The following ARNT variants were observed in gnomAD, a reference collection of about 807,000 sequenced individuals.
The protein encoded by ARNT is class E basic helix-loop-helix protein 2.
Under a neutral mutation model 105.0 loss-of-function variants are expected in ARNT, and 30 were observed. That is an observed-to-expected ratio of 0.29 (90% CI 0.21 to 0.39). ARNT has a LOEUF of 0.39. ARNT is among the 10% of genes least tolerant of loss of function. ARNT has a pLI of 1.00. For synonymous variants in ARNT, 304 were observed against 344.0 expected, an observed-to-expected ratio of 0.88 and a Z score of 1.29; for missense variants, 748 against 978.7, an observed-to-expected ratio of 0.76 and a Z score of 3.15.
intron 19 of ARNT, 32 bp downstream of exon 19, chr1:150,816,227 T>C (rs948183318): frequency 3.8e-6 from 6 of 1,566,410 alleles, no homozygotes; most frequent in Non-Finnish European, 5.2e-6. Context: ...CAAAAAATAA[T>C]ACACAGGGAA....
chr1:150,876,553 A>G lies in ARNT; in HGVS notation c.15T>C (p.Thr5=), dbSNP rs1271893166. The change falls in exon 1 of 22, where the codon ACT becomes ACC. Residue 5 remains threonine, a synonymous_variant. Transcript: ENST00000358595. MAAT[T]ANPEMTSDVP... Reference sequence around the variant, plus strand: ...CCTCCGTCTCCTCACCGGGGTTGGCAGTAGTCGCCGCCATGGCCGCAGATG... The same window carrying G: ...CCTCCGTCTCCTCACCGGGGTTGGCGGTAGTCGCCGCCATGGCCGCAGATG... The G allele has an allele frequency of 6.5e-7, 1 of 1,549,832 alleles. No homozygotes were observed. The highest frequency in any genetic ancestry group is 8.7e-7 in the Non-Finnish European group (1 of 1,147,502).
chr1:150,847,943 C>G (rs1328271648), intron 3 of ARNT, among the ~76,000 whole-genome samples: 1 of 151,874 alleles, frequency 6.6e-6, no homozygotes, highest in Non-Finnish European at 1.5e-5. Context: ...GAAATATGAG[C>G]CTTAACTTTA....
rs1025113958 is a variant in ARNT at position 150,876,524 on chromosome 1, C to G, written c.25+19G>C. On this transcript the variant is annotated intron_variant, in intron 1 of 21. Transcript: ENST00000358595. ...CGGCCCCTCCCCTTTAGAGGCGCCC[C>G]AGTCCTCCGTCTCCTCACCGGGGTT... 6.4e-7 allele frequency: 1 copy of G among 1,551,088 alleles called. No homozygotes were observed. The highest frequency in any genetic ancestry group is 1.2e-5 in the South Asian group (1 of 84,174).
chr1:150,857,061 G>A (rs1218980297), intron 2 of ARNT, among the ~76,000 whole-genome samples: 5 of 152,044 alleles, frequency 3.3e-5, no homozygotes, highest in South Asian at 2.1e-4. Context: ...AAAAGAAACC[G>A]TAAGTCACCC....
intron 7 of ARNT, chr1:150,834,900 T>C (rs587679626): frequency 5.0e-6 from 2 of 397,376 alleles, no homozygotes; most frequent in East Asian, 9.6e-5. Flanking sequence ...AAAGTAGTAG[T>C]AGAAAACAAG....
chr1:150,815,741 C>T (rs945399612), intron 19 of ARNT, among the ~76,000 whole-genome samples: 45 of 146,442 alleles, frequency 3.1e-4, no homozygotes, highest in African/African-American at 1.1e-3. Flanking sequence ...GGCGCCTGTA[C>T]AAGTCCCAGC....
chr1:150,825,623 G>T (rs1348335940), intron 13 of ARNT, among the ~76,000 whole-genome samples: 1 of 152,098 alleles, frequency 6.6e-6, no homozygotes, highest in Non-Finnish European at 1.5e-5. Context: ...GGCTGAGGTG[G>T]GTGGATCACG....
chr1:150,866,008 G>C (rs1327883342), intron 1 of ARNT, among the ~76,000 whole-genome samples: 2 of 147,266 alleles, frequency 1.4e-5, no homozygotes, highest in Non-Finnish European at 3.0e-5. Flanking sequence ...TTGAGACAGA[G>C]TCTTCGCTCT....
intron 3 of ARNT, among the ~76,000 whole-genome samples, chr1:150,852,021 C>T (rs1186578743): frequency 5.3e-5 from 8 of 149,766 alleles, no homozygotes; most frequent in African/African-American, 2.0e-4. Flanking sequence ...GCACTCCTGG[C>T]GACAGAGCAA....
At chr1:150,862,984 G>A (rs587723935) in intron 1 of ARNT, among the ~76,000 whole-genome samples, 17 of 150,874 alleles carry the variant, frequency 1.1e-4, no homozygotes, top group African/African-American at 4.1e-4. Context: ...ACAAAAGGCG[G>A]AGGTTGCAAT....
At chr1:150,859,345 T>C (rs897401450) in intron 1 of ARNT, among the ~76,000 whole-genome samples, 3 of 128,860 alleles carry the variant, frequency 2.3e-5, no homozygotes, top group African/African-American at 8.6e-5. Context: ...AGCTGAGTAC[T>C]TTTTTTTTTT....
intron 14 of ARNT, among the ~76,000 whole-genome samples, chr1:150,820,767 A>G (rs1169076427): frequency 6.6e-6 from 1 of 152,238 alleles, no homozygotes; most frequent in East Asian, 1.9e-4. Context: ...GGTGTTTAAT[A>G]CTAGAAAAGT....
chr1:150,858,788 A>AT lies in ARNT; in HGVS notation c.26-329dup, dbSNP rs752944376. ...AGGCCCGCACTACCACACCCAGTTA[A>AT]TTTTTTTTTTTTTTTTTAGAGATGG... On this transcript the variant is annotated intron_variant, in intron 1 of 21. Coordinates refer to ENST00000358595, the MANE Select transcript of ARNT (RefSeq NM_001668.4). Among the ~76,000 whole-genome samples, 307 of 137,140 alleles carry AT rather than the reference A, an allele frequency of 2.2e-3. 1 individual carries two copies. Among genetic ancestry groups the AT allele is most frequent in the South Asian group, 7.5e-3 (32 of 4,282 alleles). 90.0% of individuals were successfully genotyped at this position (137,140 alleles called of 152,430 possible).
Position 150,817,159 on chromosome 1 carries a change from G to A in ARNT, c.1622C>T (p.Pro541Leu). The A allele has an allele frequency of 6.2e-7, 1 of 1,614,126 alleles. No individual in the cohort carries two copies. Residue 541 changes from proline (P) to leucine (L), a missense_variant, in exon 17 of 22, where the codon CCC (proline) becomes CTC (leucine). This residue lies in a region of ARNT where 360 missense variants were observed against 411.9 expected (regional missense o/e 0.87). Coordinates refer to ENST00000358595, the MANE Select transcript of ARNT (RefSeq NM_001668.4). ...VTTTGPEHSK[P>L]LEKSDGLFAQ... Reference sequence around the variant, plus strand: ...AAATAAACCATCTGACTTCTCAAGGGGCTTGCTGTGTTCTGGTCCTGTGGT... The same window carrying A: ...AAATAAACCATCTGACTTCTCAAGGAGCTTGCTGTGTTCTGGTCCTGTGGT...
chr1:150,855,689 C>A (rs896541410), intron 2 of ARNT, among the ~76,000 whole-genome samples: 4 of 151,386 alleles, frequency 2.6e-5, no homozygotes, highest in Non-Finnish European at 5.9e-5. Context: ...GCTGCTTGAG[C>A]CTAGGAGTTT....
intron 2 of ARNT, 61 bp downstream of exon 2, chr1:150,858,288 A>G (rs1664980025): frequency 7.7e-7 from 1 of 1,302,494 alleles, no homozygotes; most frequent in South Asian, 1.3e-5. Context: ...AACTAAATAA[A>G]TTCAGCAACT....
At chr1:150,823,376 T>C in intron 13 of ARNT, 31 bp from the exon 14 acceptor site, 1 of 1,539,430 alleles carries the variant, frequency 6.5e-7, no homozygotes, top group Non-Finnish European at 8.8e-7. Flanking sequence ...TCAGTGGAAC[T>C]CATAGAAAAT....
intron 13 of ARNT, among the ~76,000 whole-genome samples, chr1:150,824,455 TTTC>T (rs1657773782): frequency 6.6e-6 from 1 of 151,228 alleles, no homozygotes; most frequent in East Asian, 1.9e-4. Context: ...TTCTTTTCTT[TTTC>T]TTTTTTTTTT....
At chr1:150,828,283 G>C (rs2101799914) in intron 12 of ARNT, among the ~76,000 whole-genome samples, 1 of 150,180 alleles carries the variant, frequency 6.7e-6, no homozygotes, top group East Asian at 1.9e-4. Context: ...AGGCCTCTAA[G>C]CTGATTTTTG....
Sources: gnomAD v4.1 joint callset for allele counts (sites outside exome capture counted in the v4.1 genomes callset) on GRCh38, gnomAD v4.1.1 for gene constraint, gnomAD v4.1.1 regional missense constraint, MANE v1.5 for transcripts, NCBI Gene and HGNC (gene_info 2026-07-23, HGNC 2026-07-21) for gene names.